Variants in CFAP20DC observed in about 807,000 individuals in gnomAD.
The protein encoded by CFAP20DC is protein CFAP20DC.
Under a neutral mutation model 101.7 loss-of-function variants are expected in CFAP20DC, and 84 were observed. The ratio of observed to expected loss-of-function variants is 0.83; its 90% CI spans 0.69 to 0.99. The LOEUF is 0.99. Among genes scored for constraint, CFAP20DC ranks in the 50% least tolerant of loss-of-function variants. The pLI is 0.00. For synonymous variants in CFAP20DC, 359 were observed against 351.2 expected, an observed-to-expected ratio of 1.02 and a Z score of -0.25; for missense variants, 1,007 against 970.3, an observed-to-expected ratio of 1.04 and a Z score of -0.50.
chr3:58,736,810 G>A (rs1466361385), intron 3 of CFAP20DC, among the ~76,000 whole-genome samples: 1 of 152,178 alleles, frequency 6.6e-6, no homozygotes, highest in African/African-American at 2.4e-5. Flanking sequence ...CTTTCGTAAT[G>A]CCTCACAGAA....
intron 16 of CFAP20DC, among the ~76,000 whole-genome samples, chr3:58,752,266 A>G (rs558039639): frequency 1.3e-5 from 2 of 152,216 alleles, no homozygotes; most frequent in African/African-American, 2.4e-5. Context: ...TTAATCAACT[A>G]CAAACCACCC....
At chr3:59,023,040 G>C (rs1399115072) in intron 4 of CFAP20DC, among the ~76,000 whole-genome samples, 1 of 152,062 alleles carries the variant, frequency 6.6e-6, no homozygotes, top group Admixed American at 6.6e-5. Context: ...TTCATACATG[G>C]CAGAGCAAAT....
chr3:58,920,398 T>A (rs1050596280), intron 5 of CFAP20DC, among the ~76,000 whole-genome samples: 5 of 152,282 alleles, frequency 3.3e-5, no homozygotes, highest in Admixed American at 3.3e-4. Context: ...CCAGCCATAG[T>A]GGATAGTCTT....
chr3:58,892,742 T>A lies in CFAP20DC; in HGVS notation c.551-8033A>T, dbSNP rs1345550642. Among the ~76,000 whole-genome samples, 1 of 152,238 alleles carries A rather than the reference T, an allele frequency of 6.6e-6. No homozygotes were observed. The highest frequency in any genetic ancestry group is 1.5e-5 in the Non-Finnish European group (1 of 68,042). On this transcript the variant is annotated intron_variant, in intron 6 of 16. Coordinates refer to ENST00000482387, the MANE Select transcript of CFAP20DC (RefSeq NM_001394063.1). The surrounding 1 kb of genome is among the most constrained non-coding windows in gnomAD (Gnocchi z 4.0). ...CTTAAAAAGCTTTAGGCTGAGATGATGCGGTTTTCTAGATATAGGATCATG... is the reference window on the plus strand; with the variant it reads ...CTTAAAAAGCTTTAGGCTGAGATGAAGCGGTTTTCTAGATATAGGATCATG...
At position 58,892,868 on chromosome 3, in the gene CFAP20DC, T is replaced by C. The variant is rs1247058170; in HGVS notation, c.551-8159A>G. 1.3e-5 allele frequency among the ~76,000 whole-genome samples: 2 copies of C among 152,178 alleles called. No individual in the cohort carries two copies. Among genetic ancestry groups the C allele is most frequent in the African/African-American group, 2.4e-5 (1 of 41,436 alleles). ...CCTCGCCAGAACTTCCAATACTATA[T>C]TGCATAGGAGTGGTGAGAGAGGGCA... On this transcript the variant is annotated intron_variant, in intron 6 of 16. Coordinates refer to ENST00000482387, the MANE Select transcript of CFAP20DC (RefSeq NM_001394063.1). The surrounding 1 kb of genome is among the most constrained non-coding windows in gnomAD (Gnocchi z 4.0).
At chr3:59,048,316 AAC>A (rs1425226068) in intron 1 of CFAP20DC, among the ~76,000 whole-genome samples, 1 of 152,260 alleles carries the variant, frequency 6.6e-6, no homozygotes, top group East Asian at 1.9e-4. Context: ...TCTCAGTTAT[AAC>A]ACACGATCAC....
rs75457888 is a variant in CFAP20DC, at chr3:58,825,084, T to C, written c.2175+6602A>G. Reference sequence around the variant, plus strand: ...TGAGGAGAGACAGTGAAATGAAATATTGAAATAATGAGATAATGAAGGAGT... The same window carrying C: ...TGAGGAGAGACAGTGAAATGAAATACTGAAATAATGAGATAATGAAGGAGT... On this transcript the variant is annotated intron_variant, in intron 14 of 16. Coordinates refer to ENST00000482387, the MANE Select transcript of CFAP20DC (RefSeq NM_001394063.1). Among the ~76,000 whole-genome samples, 16 of 152,262 alleles carry C rather than the reference T, an allele frequency of 1.1e-4. No homozygotes were observed. The East Asian group carries it at 2.1e-3, about 20-fold the overall frequency.
chr3:58,746,365 G>T (rs116755368), intron 16 of CFAP20DC, among the ~76,000 whole-genome samples: 3 of 152,212 alleles, frequency 2.0e-5, no homozygotes, highest in Admixed American at 1.3e-4. Flanking sequence ...CCTCTGGCAC[G>T]TAAGAGTTAT....
At chr3:59,011,978 T>C (rs919743991) in intron 4 of CFAP20DC, among the ~76,000 whole-genome samples, 1 of 152,168 alleles carries the variant, frequency 6.6e-6, no homozygotes, top group African/African-American at 2.4e-5. Flanking sequence ...TATAAAAACA[T>C]ACCAACAATC....
rs371463290 is a variant in CFAP20DC at position 58,849,741 on chromosome 3, T to C, written c.1594-332A>G. 9.8e-5 allele frequency among the ~76,000 whole-genome samples: 15 copies of C among 152,300 alleles called. No individual in the cohort carries two copies. The South Asian group carries it at 2.1e-3, about 21-fold the overall frequency. ...AGAAGAGGATCCAGAGCAAGTCATC[T>C]AAAACATCTAAGAATCGTATACTTT... On this transcript the variant is annotated intron_variant, in intron 12 of 16. Transcript: ENST00000482387.
chr3:58,866,889 C>A (rs1206760734), intron 10 of CFAP20DC, among the ~76,000 whole-genome samples: 5 of 151,378 alleles, frequency 3.3e-5, no homozygotes, highest in Non-Finnish European at 5.9e-5. Context: ...CCTTAAAATT[C>A]TTTGATACTT....
At chr3:58,852,703 T>C (rs2078365133) in intron 12 of CFAP20DC, among the ~76,000 whole-genome samples, 1 of 150,200 alleles carries the variant, frequency 6.7e-6, no homozygotes, top group Non-Finnish European at 1.5e-5. Context: ...CTCAACTACA[T>C]GGAAACTGAA....
chr3:58,762,311 T>C (rs1038294127), intron 15 of CFAP20DC, among the ~76,000 whole-genome samples: 1 of 152,222 alleles, frequency 6.6e-6, no homozygotes, highest in African/African-American at 2.4e-5. Flanking sequence ...TTGTCTCTTC[T>C]GATCTTTGTT....
At chr3:59,020,841 C>T (rs1269132824) in intron 4 of CFAP20DC, among the ~76,000 whole-genome samples, 2 of 152,046 alleles carry the variant, frequency 1.3e-5, no homozygotes, top group African/African-American at 4.8e-5. Flanking sequence ...AACGAGAAGA[C>T]CCAGACCAGA....
intron 5 of CFAP20DC, among the ~76,000 whole-genome samples, chr3:58,933,371 A>C (rs1335100476): frequency 6.6e-6 from 1 of 151,562 alleles, no homozygotes; most frequent in African/African-American, 2.4e-5. Flanking sequence ...AACGAGACAG[A>C]AAGTTAACAA....
At chr3:58,932,706 T>C (rs561128527) in intron 5 of CFAP20DC, among the ~76,000 whole-genome samples, 24 of 152,296 alleles carry the variant, frequency 1.6e-4, no homozygotes, top group African/African-American at 5.3e-4. Flanking sequence ...TAAAATCCTT[T>C]ACAGACAAGC....
At chr3:58,830,995 TA>T (rs1175671191) in intron 14 of CFAP20DC, among the ~76,000 whole-genome samples, 1 of 152,206 alleles carries the variant, frequency 6.6e-6, no homozygotes, top group Admixed American at 6.5e-5. Flanking sequence ...GGACTGAGTT[TA>T]AAAACTGGGC....
chr3:58,821,038 T>TG (rs1259978888), intron 14 of CFAP20DC, among the ~76,000 whole-genome samples: 2 of 151,696 alleles, frequency 1.3e-5, no homozygotes, highest in African/African-American at 4.9e-5. Context: ...AAACAAGCAA[T>TG]GGGGAAAGGA....
chr3:58,784,072 T>C (rs2107590575), intron 15 of CFAP20DC, among the ~76,000 whole-genome samples: 1 of 151,816 alleles, frequency 6.6e-6, no homozygotes, highest in Middle Eastern at 3.4e-3. Context: ...GACAGCGCCT[T>C]ACTCTGTTGC....
Sources: gnomAD v4.1 joint callset for allele counts (sites outside exome capture counted in the v4.1 genomes callset) on GRCh38, gnomAD v4.1.1 for gene constraint, Gnocchi (gnomAD v3.1) non-coding constraint, MANE v1.5 for transcripts, NCBI Gene and HGNC (gene_info 2026-07-23, HGNC 2026-07-21) for gene names.